Variants in TBCD observed in about 807,000 individuals in gnomAD.
TBCD encodes the protein tubulin folding cofactor D.
A neutral mutation model predicts 169.3 loss-of-function variants in TBCD; 105 were observed. The ratio of observed to expected loss-of-function variants is 0.62; its 90% CI spans 0.53 to 0.73. The LOEUF is 0.73. Among genes scored for constraint, TBCD ranks in the 30% least tolerant of loss-of-function variants. The pLI, the probability that TBCD is intolerant of heterozygous loss-of-function variation, is 0.00. For synonymous variants in TBCD, 700 were observed against 643.9 expected, an observed-to-expected ratio of 1.09 and a Z score of -1.32; for missense variants, 1,444 against 1,600.1, an observed-to-expected ratio of 0.90 and a Z score of 1.66.
intron 13 of TBCD, among the ~76,000 whole-genome samples, chr17:82,857,696 T>A (rs1430547709): frequency 6.6e-6 from 1 of 151,840 alleles, no homozygotes. Context: ...TTACTTGGCA[T>A]AGCCACAGGA....
chr17:82,754,898 G>A (rs959641444), intron 1 of TBCD, among the ~76,000 whole-genome samples: 2 of 152,220 alleles, frequency 1.3e-5, no homozygotes, highest in African/African-American at 2.4e-5. Flanking sequence ...AGGGAGCAGT[G>A]CCTGGATATG....
intron 4 of TBCD, among the ~76,000 whole-genome samples, chr17:82,766,724 C>G (rs894303607): frequency 3.3e-5 from 5 of 152,188 alleles, no homozygotes; most frequent in African/African-American, 1.2e-4. Context: ...CAGCACTCAG[C>G]ATAGAGTCCT....
chr17:82,928,092 G>A (rs2061905691), intron 30 of TBCD, 104 bp downstream of exon 30: 1 of 996,204 alleles, frequency 1.0e-6, no homozygotes, highest in East Asian at 2.5e-5. Flanking sequence ...TTGCACTGCT[G>A]GGCACACACC....
In TBCD at chr17:82,927,218, C is replaced by G; in HGVS notation, c.2504C>G (p.Ala835Gly). 2 of 1,613,866 alleles carry G rather than the reference C, an allele frequency of 1.2e-6. No homozygotes were observed. The highest frequency in any genetic ancestry group is 1.7e-6 in the Non-Finnish European group (2 of 1,179,894). ...ICQTVGVKAG[A>G]PDEAVCGENV... ...CAGACTGTTGGTGTGAAAGCAGGAG[C>G]CCCAGACGAAGCTGTGTGCGGAGAG... Residue 835 changes from alanine (A) to glycine (G), a missense_variant, in exon 29 of 39, where the codon GCC becomes GGC. Coordinates refer to ENST00000355528, the MANE Select transcript of TBCD (RefSeq NM_005993.5).
intron 13 of TBCD, among the ~76,000 whole-genome samples, chr17:82,825,921 G>A (rs1028102534): frequency 3.9e-5 from 6 of 152,164 alleles, no homozygotes; most frequent in African/African-American, 9.7e-5. Flanking sequence ...AGCTGTGATC[G>A]CGCCACTGCA....
intron 38 of TBCD, 86 bp downstream of exon 38, chr17:82,941,569 T>C: frequency 8.2e-7 from 1 of 1,226,102 alleles, no homozygotes; most frequent in Non-Finnish European, 1.1e-6. Context: ...GCTTAGCTTC[T>C]GCCAGCACGT....
chr17:82,924,458 C>A (rs562656447), intron 26 of TBCD, among the ~76,000 whole-genome samples: 2 of 152,210 alleles, frequency 1.3e-5, no homozygotes, highest in Non-Finnish European at 2.9e-5. Context: ...ACATCATGTT[C>A]GAGGGATCTG....
chr17:82,941,008 A>G (rs1438265045), intron 37 of TBCD, among the ~76,000 whole-genome samples: 1 of 152,038 alleles, frequency 6.6e-6, no homozygotes, highest in Middle Eastern at 3.2e-3. Context: ...ATTAGAAACG[A>G]AAAACATGCC....
chr17:82,903,843 G>T lies in TBCD; in HGVS notation c.1804+365G>T, dbSNP rs1323753971. ...CCACACGACACTCCCTGGTCTCTAG[G>T]TGGCTCGCACCTGCCACACGACACT... On this transcript the variant is annotated intron_variant, in intron 19 of 38. Coordinates refer to ENST00000355528, the MANE Select transcript of TBCD (RefSeq NM_005993.5). This position sits in a 1 kb window ranked among gnomAD's most constrained non-coding sequence, Gnocchi z 4.8. Among the ~76,000 whole-genome samples, 6 of 36,718 alleles carry T rather than the reference G, an allele frequency of 1.6e-4. No individual in the cohort carries two copies. Among genetic ancestry groups the T allele is most frequent in the African/African-American group, 2.6e-4 (2 of 7,740 alleles). The allele number at this position is 36,718 out of a possible 152,430, so 24.1% of individuals were successfully genotyped here. A position where few individuals can be genotyped will look rare whatever the true frequency, so the allele number is the denominator to read the frequency against.
intron 13 of TBCD, among the ~76,000 whole-genome samples, chr17:82,825,627 C>T (rs1474337679): frequency 6.6e-6 from 1 of 152,076 alleles, no homozygotes; most frequent in Admixed American, 6.5e-5. Flanking sequence ...GCAGTGTCCT[C>T]AGATACCCCT....
intron 13 of TBCD, among the ~76,000 whole-genome samples, chr17:82,858,119 G>A (rs1260278040): frequency 6.6e-6 from 1 of 152,004 alleles, no homozygotes; most frequent in Non-Finnish European, 1.5e-5. Context: ...TCCCTATGTT[G>A]TCCAGGCTGG....
rs368593758 is a variant in TBCD at position 82,781,735 on chromosome 17, G to A, written c.771+14G>A. On this transcript the variant is annotated intron_variant, in intron 7 of 38. Transcript: ENST00000355528. ...CTGCAGGCCCTGGTAAGTGCTGCCC[G>A]CAGGGGCTGTGGAGATCGCAGGGAA... 38 of 1,612,578 alleles carry A rather than the reference G, an allele frequency of 2.4e-5. No individual in the cohort carries two copies. In the Middle Eastern group the frequency reaches 2.3e-3, roughly 98 times the overall value.
chr17:82,815,573 C>T (rs572641987), intron 13 of TBCD, among the ~76,000 whole-genome samples: 13 of 152,362 alleles, frequency 8.5e-5, no homozygotes, highest in Admixed American at 1.3e-4. Flanking sequence ...TGTGCCGTGG[C>T]CACACGCAGC....
chr17:82,821,922 A>T (rs775820496), intron 13 of TBCD, among the ~76,000 whole-genome samples: 22 of 152,260 alleles, frequency 1.4e-4, no homozygotes, highest in Non-Finnish European at 2.9e-4. Context: ...TAAACATTAA[A>T]TTTTTATAAG....
rs1475761792 is a variant in TBCD, at chr17:82,782,861, C to T, written c.771+1140C>T. On this transcript the variant is annotated intron_variant, in intron 7 of 38. Transcript: ENST00000355528. The surrounding 1 kb of genome is among the most constrained non-coding windows in gnomAD (Gnocchi z 5.1). Reference sequence around the variant, plus strand: ...GTCCTCCTGTCCGCAGAGGCGTCCTCATGTCCTCAGTGTTGTCTTCCTGTC... The same window carrying T: ...GTCCTCCTGTCCGCAGAGGCGTCCTTATGTCCTCAGTGTTGTCTTCCTGTC... Among the ~76,000 whole-genome samples, 1 of 151,462 alleles carries T rather than the reference C, an allele frequency of 6.6e-6. No homozygotes were observed. The highest frequency in any genetic ancestry group is 1.9e-4 in the East Asian group (1 of 5,160).
intron 23 of TBCD, among the ~76,000 whole-genome samples, chr17:82,916,473 G>A (rs1194432234): frequency 6.6e-6 from 1 of 150,706 alleles, no homozygotes; most frequent in Non-Finnish European, 1.5e-5. Context: ...TTGAACTCCT[G>A]ACCTCAGGTG....
At chr17:82,826,233 T>A (rs933155178) in intron 13 of TBCD, among the ~76,000 whole-genome samples, 13 of 151,812 alleles carry the variant, frequency 8.6e-5, no homozygotes, top group Admixed American at 2.6e-4. Flanking sequence ...CTTTTTTTTT[T>A]ATTATTTTTT....
chr17:82,871,361 A>G (rs1287819372), intron 14 of TBCD, among the ~76,000 whole-genome samples: 2 of 152,196 alleles, frequency 1.3e-5, no homozygotes, highest in Non-Finnish European at 2.9e-5. Context: ...CTTGTTGTGC[A>G]TGAAGGAGCT....
At chr17:82,853,858 G>C (rs750607531) in intron 13 of TBCD, among the ~76,000 whole-genome samples, 1 of 151,892 alleles carries the variant, frequency 6.6e-6, no homozygotes, top group African/African-American at 2.4e-5. Context: ...GACATGTTTG[G>C]GTGTCTTTGT....
Sources: gnomAD v4.1 joint callset for allele counts (sites outside exome capture counted in the v4.1 genomes callset) on GRCh38, gnomAD v4.1.1 for gene constraint, Gnocchi (gnomAD v3.1) non-coding constraint, MANE v1.5 for transcripts, NCBI Gene and HGNC (gene_info 2026-07-23, HGNC 2026-07-21) for gene names.